The following GALNT2 variants were observed in gnomAD, a reference collection of about 807,000 sequenced individuals.
GALNT2 encodes the protein polypeptide N-acetylgalactosaminyltransferase 2.
In GALNT2, 31 loss-of-function variants were observed where a neutral mutation model predicts 81.4. That is an observed-to-expected ratio of 0.38 (90% CI 0.29 to 0.51). The LOEUF (loss-of-function observed/expected upper bound fraction) is 0.51. GALNT2 is among the 20% of genes least tolerant of loss of function. The pLI is 0.87. For missense variants in GALNT2, 629 were observed against 765.7 expected, an observed-to-expected ratio of 0.82 and a Z score of 2.11; for synonymous variants, 303 against 287.4, an observed-to-expected ratio of 1.05 and a Z score of -0.55.
intron 13 of GALNT2, chr1:230,263,375 G>A (rs539130035): frequency 7.9e-4 from 168 of 213,052 alleles, no homozygotes; most frequent in Admixed American, 1.3e-3. Flanking sequence ...AGCATGCAGT[G>A]TCTGCAGCCA....
At chr1:230,126,776 C>T (rs528343513) in intron 1 of GALNT2, among the ~76,000 whole-genome samples, 3 of 152,252 alleles carry the variant, frequency 2.0e-5, no homozygotes, top group Admixed American at 6.5e-5. Flanking sequence ...AAGAGTGTTC[C>T]AGCCCGTATA....
chr1:230,117,260 T>C (rs1660874447), intron 1 of GALNT2, among the ~76,000 whole-genome samples: 1 of 152,234 alleles, frequency 6.6e-6, no homozygotes, highest in South Asian at 2.1e-4. Context: ...AGGCTTTGGC[T>C]TAAGGGAATG....
In GALNT2 at chr1:230,108,747, C is replaced by T. The variant is rs953949825; in HGVS notation, c.126+41341C>T. 5.3e-5 allele frequency among the ~76,000 whole-genome samples: 8 copies of T among 152,186 alleles called. No individual in the cohort carries two copies. In the South Asian group the frequency reaches 1.0e-3, roughly 20 times the overall value. ...CATATCCAAACAATGCTGACAGCAC[C>T]GCACACTGTAGGGTATCAGTTGTTT... On this transcript the variant is annotated intron_variant, in intron 1 of 15. Coordinates refer to ENST00000366672, the MANE Select transcript of GALNT2 (RefSeq NM_004481.5).
chr1:230,065,862 C>T (rs1659161008), upstream of GALNT2, among the ~76,000 whole-genome samples: 1 of 152,152 alleles, frequency 6.6e-6, no homozygotes, highest in Non-Finnish European at 1.5e-5. Flanking sequence ...TTCCCAGAAA[C>T]AAGGCTCCTT....
At position 230,104,634 on chromosome 1, in the gene GALNT2, C is replaced by G. The variant is rs140089930; in HGVS notation, c.126+37228C>G. 1.9e-3 allele frequency among the ~76,000 whole-genome samples: 294 copies of G among 152,264 alleles called. 1 individual carries two copies. In the Middle Eastern group the frequency reaches 0.024, roughly 12 times the overall value. ...AATAGGCTTCAGAAATCCTGGAATG[C>G]GTAATTCACCAGCTCACAGAGTTCC... On this transcript the variant is annotated intron_variant, in intron 1 of 15. Coordinates refer to ENST00000366672, the MANE Select transcript of GALNT2 (RefSeq NM_004481.5).
In GALNT2 at chr1:230,243,546, C is replaced by T; in HGVS notation, c.729+119C>T. 1 of 1,285,386 alleles carries T rather than the reference C, an allele frequency of 7.8e-7. No individual in the cohort carries two copies. Among genetic ancestry groups the T allele is most frequent in the South Asian group, 1.6e-5 (1 of 63,684 alleles). The allele number at this position is 1,285,386 out of a possible 1,614,324, so 79.6% of individuals were successfully genotyped here. A position where few individuals can be genotyped will look rare whatever the true frequency, so the allele number is the denominator to read the frequency against. On this transcript the variant is annotated intron_variant, in intron 7 of 15. Coordinates refer to ENST00000366672, the MANE Select transcript of GALNT2 (RefSeq NM_004481.5). The surrounding 1 kb of genome is among the most constrained non-coding windows in gnomAD (Gnocchi z 4.2). ...AGTAGGGCGTCAGGGCTGGTAGGGG[C>T]TGAGCTCGCCGTCTGCAGTTTTCCT...
At chr1:230,204,258 C>T (rs1663994367) in intron 3 of GALNT2, among the ~76,000 whole-genome samples, 1 of 151,780 alleles carries the variant, frequency 6.6e-6, no homozygotes, top group Admixed American at 6.6e-5. Context: ...TACTCCTCTA[C>T]TTCCCAGGTT....
At chr1:230,079,878 C>G (rs570720537) in intron 1 of GALNT2, among the ~76,000 whole-genome samples, 1 of 152,296 alleles carries the variant, frequency 6.6e-6, no homozygotes, top group Admixed American at 6.5e-5. Context: ...TGAGGCTCAG[C>G]CTCCATCTGC....
intron 1 of GALNT2, among the ~76,000 whole-genome samples, chr1:230,075,121 CTTTTTTTTTT>C (rs34482749): frequency 5.4e-5 from 5 of 92,600 alleles, no homozygotes; most frequent in Admixed American, 3.0e-4. Context: ...GTCTGTTTTG[CTTTTTTTTTT>C]TTTTTTTTTT....
chr1:230,238,036 G>A (rs747885401), intron 6 of GALNT2, among the ~76,000 whole-genome samples: 9 of 152,184 alleles, frequency 5.9e-5, no homozygotes, highest in Non-Finnish European at 8.8e-5. Flanking sequence ...TTTCGGGGAA[G>A]GCATGAGAAG....
chr1:230,066,167 A>G (rs566454372), upstream of GALNT2, among the ~76,000 whole-genome samples: 165 of 152,340 alleles, frequency 1.1e-3, 1 homozygote, highest in Middle Eastern at 3.4e-3. Context: ...TATATCAGGC[A>G]GCTGCCATTA....
chr1:230,274,534 G>T lies in GALNT2; in HGVS notation c.1530G>T (p.Leu510=), dbSNP rs1209861530. ...VDRAPGSLIK[L]QGCRENDSRQ... ...GGGCACCGGGCTCTCTTATAAAGCTGCAGGGCTGCCGAGAAAATGACAGCA... is the reference window on the plus strand; with the variant it reads ...GGGCACCGGGCTCTCTTATAAAGCTTCAGGGCTGCCGAGAAAATGACAGCA... Residue 510 remains leucine (L), a synonymous_variant, in exon 15 of 16, where the codon CTG becomes CTT. Transcript: ENST00000366672. The T allele has an allele frequency of 6.2e-7, 1 of 1,614,030 alleles. No homozygotes were observed. Among genetic ancestry groups the T allele is most frequent in the Non-Finnish European group, 8.5e-7 (1 of 1,179,922 alleles).
At chr1:230,182,189 G>GT (rs200793011) in intron 2 of GALNT2, among the ~76,000 whole-genome samples, 5 of 114,716 alleles carry the variant, frequency 4.4e-5, no homozygotes, top group East Asian at 8.2e-4. Context: ...ACCAGTTTTT[G>GT]TTTTTGTTTT....
At chr1:230,088,143 G>A (rs1659952336) in intron 1 of GALNT2, among the ~76,000 whole-genome samples, 3 of 151,476 alleles carry the variant, frequency 2.0e-5, no homozygotes, top group Admixed American at 2.0e-4. Context: ...AAAGTTTACT[G>A]TCTTAACCAT....
intron 1 of GALNT2, among the ~76,000 whole-genome samples, chr1:230,147,931 C>T (rs143736414): frequency 3.9e-5 from 6 of 152,350 alleles, no homozygotes; most frequent in African/African-American, 1.4e-4. Flanking sequence ...TCCTAGCACA[C>T]GTCCACACCT....
chr1:230,060,598 G>A (rs1286042861), intron 1 of GALNT2, among the ~76,000 whole-genome samples: 2 of 150,800 alleles, frequency 1.3e-5, no homozygotes, highest in Non-Finnish European at 2.9e-5. Context: ...AAAGACATTT[G>A]AAGACCTTGT....
At chr1:230,122,834 G>T (rs1207354306) in intron 1 of GALNT2, among the ~76,000 whole-genome samples, 1 of 152,138 alleles carries the variant, frequency 6.6e-6, no homozygotes, top group East Asian at 1.9e-4. Flanking sequence ...ATGTCTGCAC[G>T]TACTCCTGGG....
chr1:230,109,904 C>T (rs1230232009), intron 1 of GALNT2, among the ~76,000 whole-genome samples: 1 of 152,220 alleles, frequency 6.6e-6, no homozygotes, highest in South Asian at 2.1e-4. Flanking sequence ...CAAACAAGCT[C>T]ATTTTATGCA....
intron 3 of GALNT2, among the ~76,000 whole-genome samples, chr1:230,232,309 A>C (rs528801832): frequency 6.6e-6 from 1 of 152,226 alleles, no homozygotes; most frequent in Admixed American, 6.5e-5. Context: ...GTTCTCAGCA[A>C]AAATGGATGC....
Sources: allele counts gnomAD v4.1 joint callset (sites outside exome capture counted in the v4.1 genomes callset), GRCh38; gene constraint gnomAD v4.1.1; non-coding constraint Gnocchi (gnomAD v3.1); transcripts MANE v1.5; gene names NCBI Gene and HGNC (gene_info 2026-07-23, HGNC 2026-07-21).